The following PTPRM variants were observed in gnomAD, a reference collection of about 807,000 sequenced individuals.
The protein encoded by PTPRM is protein tyrosine phosphatase receptor type M.
Under a neutral mutation model 186.7 loss-of-function variants are expected in PTPRM, and 47 were observed. The observed-to-expected ratio is 0.25, with a 90% CI of 0.20 to 0.32. The LOEUF is 0.32. PTPRM is among the 10% of genes least tolerant of loss of function. PTPRM has a pLI of 1.00. For synonymous variants in PTPRM, 668 were observed against 674.9 expected, an observed-to-expected ratio of 0.99 and a Z score of 0.16; for missense variants, 1,494 against 1,865.0, an observed-to-expected ratio of 0.80 and a Z score of 3.66.
At chr18:8,207,342 A>G (rs1168318847) in intron 14 of PTPRM, among the ~76,000 whole-genome samples, 2 of 152,212 alleles carry the variant, frequency 1.3e-5, no homozygotes, top group African/African-American at 2.4e-5. Context: ...GTAAATTAAT[A>G]TACTTAGAAT....
intron 2 of PTPRM, among the ~76,000 whole-genome samples, chr18:7,863,827 G>A (rs1247997675): frequency 1.3e-5 from 2 of 152,128 alleles, no homozygotes; most frequent in Admixed American, 1.3e-4. Flanking sequence ...CAGTGTAAAA[G>A]CATTCCTATT....
At chr18:7,939,142 G>C (rs1010993730) in intron 5 of PTPRM, among the ~76,000 whole-genome samples, 19 of 152,144 alleles carry the variant, frequency 1.2e-4, no homozygotes, top group Non-Finnish European at 2.6e-4. Flanking sequence ...GATGTCGGTG[G>C]TAAGAATTTC....
intron 4 of PTPRM, among the ~76,000 whole-genome samples, chr18:7,912,665 C>A (rs2050336422): frequency 6.7e-6 from 1 of 148,964 alleles, no homozygotes; most frequent in Non-Finnish European, 1.5e-5. Flanking sequence ...GCACCCGCCA[C>A]CACGCCCGGC....
intron 5 of PTPRM, among the ~76,000 whole-genome samples, chr18:7,938,300 G>A (rs557988376): frequency 6.6e-6 from 1 of 152,196 alleles, no homozygotes; most frequent in South Asian, 2.1e-4. Context: ...GTTTTCAGAA[G>A]AGTTGTATAT....
intron 2 of PTPRM, among the ~76,000 whole-genome samples, chr18:7,790,910 A>T (rs28669857): frequency 0.091 from 12,957 of 143,124 alleles, 1,652 homozygotes; most frequent in African/African-American, 0.28. Flanking sequence ...AGTTGGTTTT[A>T]AAAAAAAAAA....
At chr18:8,209,786 A>G (rs1055155824) in intron 14 of PTPRM, among the ~76,000 whole-genome samples, 4 of 151,914 alleles carry the variant, frequency 2.6e-5, no homozygotes, top group Non-Finnish European at 2.9e-5. Flanking sequence ...GAACACATGG[A>G]CACAGGGAGG....
At chr18:8,285,361 A>G (rs1008166259) in intron 19 of PTPRM, among the ~76,000 whole-genome samples, 3 of 152,206 alleles carry the variant, frequency 2.0e-5, no homozygotes, top group Non-Finnish European at 4.4e-5. Flanking sequence ...CTTTTGCCTC[A>G]GCACCACTTA....
At chr18:7,653,388 A>G (rs2038769509) in intron 1 of PTPRM, among the ~76,000 whole-genome samples, 1 of 151,980 alleles carries the variant, frequency 6.6e-6, no homozygotes, top group South Asian at 2.1e-4. Flanking sequence ...TATGTCATGA[A>G]GGTTTGTTGT....
chr18:7,771,827 C>T (rs79973407), intron 1 of PTPRM, among the ~76,000 whole-genome samples: 2,950 of 152,278 alleles, frequency 0.019, 91 homozygotes, highest in African/African-American at 0.067. Context: ...TGGCTATTAC[C>T]ACAATTGAAT....
intron 4 of PTPRM, among the ~76,000 whole-genome samples, chr18:7,925,598 G>T (rs749941728): frequency 6.6e-6 from 1 of 152,078 alleles, no homozygotes; most frequent in Non-Finnish European, 1.5e-5. Context: ...AGCTGGCAAG[G>T]CGTGACAGAT....
chr18:7,969,057 G>GT (rs1175927284), intron 7 of PTPRM, among the ~76,000 whole-genome samples: 1 of 49,226 alleles, frequency 2.0e-5, no homozygotes, highest in Admixed American at 2.3e-4. Flanking sequence ...ATAGTTGGAA[G>GT]TAAAGCTCTC....
intron 14 of PTPRM, among the ~76,000 whole-genome samples, chr18:8,160,596 A>G (rs2093211992): frequency 1.3e-5 from 2 of 152,218 alleles, no homozygotes; most frequent in South Asian, 2.1e-4. Context: ...ATGCCTAGCC[A>G]GGATGAATTC....
intron 13 of PTPRM, among the ~76,000 whole-genome samples, chr18:8,126,722 G>A: frequency 6.6e-6 from 1 of 152,114 alleles, no homozygotes; most frequent in Non-Finnish European, 1.5e-5. Context: ...ATAACTGATT[G>A]GATCTTAGCC....
At chr18:7,891,804 G>A (rs1406135170) in intron 3 of PTPRM, among the ~76,000 whole-genome samples, 3 of 152,168 alleles carry the variant, frequency 2.0e-5, no homozygotes, top group Non-Finnish European at 4.4e-5. Flanking sequence ...CAACCAGGGA[G>A]GCGGAGTTTG....
intron 14 of PTPRM, among the ~76,000 whole-genome samples, chr18:8,155,353 G>A (rs2093099513): frequency 6.6e-6 from 1 of 152,096 alleles, no homozygotes; most frequent in African/African-American, 2.4e-5. Context: ...TAATATTCCT[G>A]TCTCAGCCAC....
chr18:8,382,436 C>T (rs1368980153), intron 29 of PTPRM, among the ~76,000 whole-genome samples: 3 of 152,054 alleles, frequency 2.0e-5, no homozygotes, highest in South Asian at 4.1e-4. Context: ...ATTAACATCT[C>T]GGCTTCCCAT....
chr18:8,075,241 C>T (rs1187963109), intron 8 of PTPRM, among the ~76,000 whole-genome samples: 1 of 149,588 alleles, frequency 6.7e-6, no homozygotes, highest in African/African-American at 2.5e-5. Flanking sequence ...ATTCTCAGTT[C>T]GATTCCATAT....
chr18:7,587,310 A>G (rs1227205270), intron 1 of PTPRM, among the ~76,000 whole-genome samples: 1 of 152,056 alleles, frequency 6.6e-6, no homozygotes, highest in Non-Finnish European at 1.5e-5. Flanking sequence ...TCCATTTTTC[A>G]TTTTTATAAA....
rs527443725 is a variant in PTPRM, at chr18:8,201,983, T to A, written c.2301-42075T>A. Among the ~76,000 whole-genome samples, 20 of 152,352 alleles carry A rather than the reference T, an allele frequency of 1.3e-4. No homozygotes were observed. The South Asian group carries it at 3.5e-3, about 27-fold the overall frequency. On this transcript the variant is annotated intron_variant, in intron 14 of 32. Coordinates refer to ENST00000580170, the MANE Select transcript of PTPRM (RefSeq NM_001105244.2). The stretch of plus-strand genomic sequence containing the variant: ...CCTTGACAGAAACATTATCATGGAT[T>A]CTTCTCCACATGTTTACTGACTTCA...
Sources: gnomAD v4.1 joint callset for allele counts (sites outside exome capture counted in the v4.1 genomes callset) on GRCh38, gnomAD v4.1.1 for gene constraint, MANE v1.5 for transcripts, NCBI Gene and HGNC (gene_info 2026-07-23, HGNC 2026-07-21) for gene names.